RNF152: variants seen among roughly 807,000 people sequenced by gnomAD.
RNF152 encodes the protein E3 ubiquitin-protein ligase RNF152.
Under a neutral mutation model 12.7 loss-of-function variants are expected in RNF152, and 11 were observed. The ratio of observed to expected loss-of-function variants is 0.86; its 90% CI spans 0.54 to 1.43. The LOEUF (loss-of-function observed/expected upper bound fraction) is 1.43, where lower values mean the gene tolerates loss of function less well. RNF152 is among the 40% of genes most tolerant of loss of function. RNF152 has a pLI of 0.00. For missense variants in RNF152, 255 were observed against 274.8 expected (o/e 0.93, Z 0.51); for synonymous variants, 113 against 120.3 (o/e 0.94, Z 0.40).
At position 61,884,597 on chromosome 18, in the gene RNF152, C is replaced by T. The variant is rs371961590; in HGVS notation, c.-136+8198G>A. Among the ~76,000 whole-genome samples the T allele has an allele frequency of 2.6e-5, 4 of 152,172 alleles. No homozygotes were observed. In the South Asian group the frequency reaches 6.2e-4, roughly 24 times the overall value. Reference sequence around the variant, plus strand: ...TTTGTTTGAGACAGTCTCATTCTGTCGCCCAGGCTGGAGTGCAGTGGCACA... The same window carrying T: ...TTTGTTTGAGACAGTCTCATTCTGTTGCCCAGGCTGGAGTGCAGTGGCACA... On this transcript the variant is annotated intron_variant, in intron 1 of 1. Transcript: ENST00000312828.
intron 1 of RNF152, among the ~76,000 whole-genome samples, chr18:61,865,285 T>C (rs547588562): frequency 7.9e-5 from 12 of 152,176 alleles, no homozygotes; most frequent in Non-Finnish European, 7.4e-5. Context: ...TTGAAAATAT[T>C]AAACCCTACT....
At chr18:61,843,273 T>C (rs982158687) in intron 1 of RNF152, among the ~76,000 whole-genome samples, 23 of 152,236 alleles carry the variant, frequency 1.5e-4, no homozygotes, top group African/African-American at 4.8e-4. Flanking sequence ...GGTGTGTTTC[T>C]AGCCAGTTTC....
intron 1 of RNF152, among the ~76,000 whole-genome samples, chr18:61,853,286 G>T (rs1426376164): frequency 6.7e-6 from 1 of 148,160 alleles, no homozygotes; most frequent in Non-Finnish European, 1.5e-5. Flanking sequence ...GGAGAATCTG[G>T]TTCCTTGCCC....
chr18:61,856,648 A>G (rs1362225135), intron 1 of RNF152, among the ~76,000 whole-genome samples: 5 of 151,960 alleles, frequency 3.3e-5, no homozygotes, highest in Admixed American at 6.6e-5. Flanking sequence ...CTCATTCCAC[A>G]TCCTTACTAG....
At chr18:61,843,148 A>C (rs976743578) in intron 1 of RNF152, among the ~76,000 whole-genome samples, 1 of 152,232 alleles carries the variant, frequency 6.6e-6, no homozygotes, top group African/African-American at 2.4e-5. Context: ...AATGCCAGGT[A>C]AGTGCCAAGA....
chr18:61,838,433 T>C (rs549337173), intron 1 of RNF152, among the ~76,000 whole-genome samples: 2 of 152,284 alleles, frequency 1.3e-5, no homozygotes, highest in South Asian at 4.1e-4. Context: ...CATCCTCCCA[T>C]TTTGGATCTG....
intron 1 of RNF152, among the ~76,000 whole-genome samples, chr18:61,837,246 T>C (rs548327113): frequency 6.6e-6 from 1 of 152,318 alleles, no homozygotes; most frequent in East Asian, 1.9e-4. Context: ...GTTCTAGATT[T>C]TAAGAGACTA....
chr18:61,823,637 A>C (rs1466464366), intron 1 of RNF152, among the ~76,000 whole-genome samples: 1 of 152,228 alleles, frequency 6.6e-6, no homozygotes, highest in Non-Finnish European at 1.5e-5. Flanking sequence ...TAAACAGGGA[A>C]TAGGGCAGGC....
chr18:61,891,866 C>T (rs759964795), intron 1 of RNF152, among the ~76,000 whole-genome samples: 38 of 152,270 alleles, frequency 2.5e-4, no homozygotes, highest in Non-Finnish European at 4.9e-4. Context: ...GAGAGTAGAC[C>T]AGGAGCCTTT....
rs1334675722 is a variant in RNF152, at chr18:61,808,932, G to C, written c.*6920C>G. 1 of 152,210 alleles carries C rather than the reference G, an allele frequency of 6.6e-6. No homozygotes were observed. The highest frequency in any genetic ancestry group is 2.1e-4 in the South Asian group (1 of 4,816). The allele number at this position is 152,210 out of a possible 1,614,324, so 9.4% of individuals were successfully genotyped here. A position where few individuals can be genotyped will look rare whatever the true frequency, so the allele number is the denominator to read the frequency against. ...TGATAGGGAAAATGGGGACTCCTTGGACCCTCATGAGCTGAGCACATTACC... is the reference window on the plus strand; with the variant it reads ...TGATAGGGAAAATGGGGACTCCTTGCACCCTCATGAGCTGAGCACATTACC... On this transcript the variant is annotated 3_prime_UTR_variant, in exon 2 of 2. Coordinates refer to ENST00000312828, the MANE Select transcript of RNF152 (RefSeq NM_173557.3).
intron 1 of RNF152, among the ~76,000 whole-genome samples, chr18:61,858,989 G>A (rs1042277222): frequency 6.6e-6 from 1 of 151,602 alleles, no homozygotes; most frequent in African/African-American, 2.4e-5. Context: ...CGCGCCGGGT[G>A]ATGTCAATAT....
chr18:61,846,303 G>A (rs1910742314), intron 1 of RNF152, among the ~76,000 whole-genome samples: 1 of 151,904 alleles, frequency 6.6e-6, no homozygotes, highest in Admixed American at 6.6e-5. Context: ...AGCTTCCATG[G>A]TGTCATGTAA....
chr18:61,859,270 A>G (rs1911356794), intron 1 of RNF152, among the ~76,000 whole-genome samples: 1 of 152,206 alleles, frequency 6.6e-6, no homozygotes, highest in East Asian at 1.9e-4. Context: ...AAAGCCCCTC[A>G]GTTTCAGGCT....
chr18:61,853,681 C>T lies in RNF152; in HGVS notation c.-135-37083G>A, dbSNP rs537758456. 1.4e-3 allele frequency among the ~76,000 whole-genome samples: 216 copies of T among 152,270 alleles called. 1 individual carries two copies. The highest frequency in any genetic ancestry group is 2.3e-3 in the Non-Finnish European group (157 of 68,020). The stretch of plus-strand genomic sequence containing the variant: ...CATTACTGTTGTTCTGTCACTATAT[C>T]TCCTACCACTAACTTTGACTATTCT... On this transcript the variant is annotated intron_variant, in intron 1 of 1. Transcript: ENST00000312828.
rs932756671 is a variant in RNF152 at position 61,813,689 on chromosome 18, G to A, written c.*2163C>T. On this transcript the variant is annotated 3_prime_UTR_variant, in exon 2 of 2. Transcript: ENST00000312828. ...CATTTCACACTGTACAGAAACATATGCAGATATCACTCACAAAATTAATCT... is the reference window on the plus strand; with the variant it reads ...CATTTCACACTGTACAGAAACATATACAGATATCACTCACAAAATTAATCT... 4 of 152,192 alleles carry A rather than the reference G, an allele frequency of 2.6e-5. No individual in the cohort carries two copies. The highest frequency in any genetic ancestry group is 7.2e-5 in the African/African-American group (3 of 41,452). 9.4% of individuals were successfully genotyped at this position (152,192 alleles called of 1,614,324 possible). A position where few individuals can be genotyped will look rare whatever the true frequency, so the allele number is the denominator to read the frequency against.
intron 1 of RNF152, among the ~76,000 whole-genome samples, chr18:61,845,923 G>A (rs1398314095): frequency 6.6e-6 from 1 of 151,570 alleles, no homozygotes. Flanking sequence ...CTTTGTGTGG[G>A]GGGGCGTGGT....
intron 1 of RNF152, among the ~76,000 whole-genome samples, chr18:61,822,797 G>A (rs544546850): frequency 6.6e-6 from 1 of 152,246 alleles, no homozygotes; most frequent in Non-Finnish European, 1.5e-5. Flanking sequence ...CAATGGTTGT[G>A]TTGAGAAAAA....
chr18:61,853,474 T>C (rs1362877430), intron 1 of RNF152, among the ~76,000 whole-genome samples: 1 of 152,066 alleles, frequency 6.6e-6, no homozygotes, highest in East Asian at 1.9e-4. Flanking sequence ...GTATTTTTAG[T>C]AGAGATGGGG....
At chr18:61,820,283 C>G (rs571144893) in intron 1 of RNF152, among the ~76,000 whole-genome samples, 85 of 133,744 alleles carry the variant, frequency 6.4e-4, no homozygotes, top group African/African-American at 2.3e-3. Flanking sequence ...GAGCAGAGAT[C>G]GCACCACTGC....
Sources: allele counts gnomAD v4.1 joint callset (sites outside exome capture counted in the v4.1 genomes callset), GRCh38; gene constraint gnomAD v4.1.1; transcripts MANE v1.5; gene names NCBI Gene and HGNC (gene_info 2026-07-23, HGNC 2026-07-21).